RNF111: variants seen among roughly 807,000 people sequenced by gnomAD.
RNF111 encodes E3 ubiquitin-protein ligase Arkadia.
A neutral mutation model predicts 95.1 loss-of-function variants in RNF111; 17 were observed. That is an observed-to-expected ratio of 0.18 (90% CI 0.12 to 0.27). The LOEUF (loss-of-function observed/expected upper bound fraction) is 0.27, where lower values mean the gene tolerates loss of function less well. Among genes scored for constraint, RNF111 ranks in the 10% least tolerant of loss-of-function variants. The pLI is 1.00. For synonymous variants in RNF111, 440 were observed against 414.8 expected (o/e 1.06, Z -0.74); for missense variants, 1,189 against 1,210.4 (o/e 0.98, Z 0.26).
chr15:59,067,422 C>G (rs1423445625), intron 6 of RNF111, among the ~76,000 whole-genome samples: 2 of 151,952 alleles, frequency 1.3e-5, no homozygotes, highest in Non-Finnish European at 2.9e-5. Context: ...TAACTACTTG[C>G]GTTAAAACCA....
At chr15:59,019,683 G>A (rs952239880) in intron 1 of RNF111, among the ~76,000 whole-genome samples, 1 of 152,152 alleles carries the variant, frequency 6.6e-6, no homozygotes, top group Admixed American at 6.5e-5. Context: ...TTTAAGCCAG[G>A]CGTGGTGGCT....
Position 59,058,467 on chromosome 15 carries a change from C to A in RNF111, c.1283C>A (p.Ala428Asp), listed in dbSNP as rs2042291936. Reference protein sequence around the residue: ...TSEQASDTASAVTSSQPSTVS... With the variant: ...TSEQASDTASDVTSSQPSTVS... ...GAGCAGGCCTCTGATACTGCTTCAG[C>A]TGTCACCAGTAGCCAACCTTCCACA... Residue 428 changes from alanine (A) to aspartate (D), a missense_variant, in exon 5 of 14, where the codon GCT becomes GAT. Physicochemically the swap from Ala to Asp is moderately radical, Grantham distance 126. Transcript: ENST00000348370. 1 of 1,614,112 alleles carries A rather than the reference C, an allele frequency of 6.2e-7. No individual in the cohort carries two copies. The highest frequency in any genetic ancestry group is 1.3e-5 in the African/African-American group (1 of 75,046).
chr15:59,053,547 C>G (rs1279978315), intron 3 of RNF111, among the ~76,000 whole-genome samples: 1 of 152,206 alleles, frequency 6.6e-6, no homozygotes, highest in African/African-American at 2.4e-5. Flanking sequence ...CATCGAAGTG[C>G]TACTTCTAAA....
At chr15:59,073,102 G>A (rs766445832) in intron 6 of RNF111, among the ~76,000 whole-genome samples, 16 of 152,134 alleles carry the variant, frequency 1.1e-4, no homozygotes, top group Non-Finnish European at 2.2e-4. Context: ...GAGCTGGGTA[G>A]GTGGAGGCTG....
chr15:59,095,925 A>G lies in RNF111; in HGVS notation c.*1025A>G, dbSNP rs2079169959. On this transcript the variant is annotated 3_prime_UTR_variant, in exon 14 of 14. Coordinates refer to ENST00000348370, the MANE Select transcript of RNF111 (RefSeq NM_017610.8). ...CCAGGATCACTTTTAAGGGATTTTT[A>G]TTAGTTTAAAGGTAAATAAAGTCAG... 2.5e-6 allele frequency: 1 copy of G among 397,888 alleles called. No individual in the cohort carries two copies. The highest frequency in any genetic ancestry group is 1.3e-4 in the South Asian group (1 of 7,718). 24.6% of individuals were successfully genotyped at this position (397,888 alleles called of 1,614,324 possible). A position where few individuals can be genotyped will look rare whatever the true frequency, so the allele number is the denominator to read the frequency against.
At chr15:59,063,115 G>T (rs2042511052) in intron 5 of RNF111, among the ~76,000 whole-genome samples, 1 of 152,216 alleles carries the variant, frequency 6.6e-6, no homozygotes, top group Admixed American at 6.5e-5. Context: ...CAAAGAGCAA[G>T]TGTTTCTCTT....
chr15:59,058,268 T>G, intron 4 of RNF111, 88 bp from the exon 5 acceptor site: 1 of 1,051,132 alleles, frequency 9.5e-7, no homozygotes, highest in East Asian at 2.5e-5. Flanking sequence ...TTTTTATTTA[T>G]TAATTATAAA....
At chr15:59,038,510 T>G (rs2041293528) in intron 2 of RNF111, among the ~76,000 whole-genome samples, 1 of 152,180 alleles carries the variant, frequency 6.6e-6, no homozygotes, top group Non-Finnish European at 1.5e-5. Flanking sequence ...GGTTTTATGA[T>G]TTTATTTGGG....
At chr15:59,041,483 G>A (rs1247576604) in intron 2 of RNF111, among the ~76,000 whole-genome samples, 1 of 152,080 alleles carries the variant, frequency 6.6e-6, no homozygotes, top group East Asian at 1.9e-4. Context: ...AACCCAGGAG[G>A]CGGAGGTTGC....
At chr15:59,050,272 A>T (rs538900458) in intron 2 of RNF111, 52 of 152,238 alleles carry the variant, frequency 3.4e-4, no homozygotes, top group African/African-American at 1.2e-3. Flanking sequence ...TGTCTACAAC[A>T]TCGCTTTTTC....
chr15:59,004,150 G>A, intron 1 of RNF111: 1 of 1,209,038 alleles, frequency 8.3e-7, no homozygotes, highest in Non-Finnish European at 1.1e-6. Flanking sequence ...CTCATAGATG[G>A]CAGTTCTGGA....
intron 1 of RNF111, among the ~76,000 whole-genome samples, chr15:59,010,529 G>T (rs1427391425): frequency 1.3e-5 from 2 of 152,032 alleles, no homozygotes; most frequent in African/African-American, 4.8e-5. Context: ...AGCCTCCCAA[G>T]TAGCTGGGAT....
intron 5 of RNF111, among the ~76,000 whole-genome samples, chr15:59,061,472 C>T (rs976625100): frequency 1.3e-5 from 2 of 152,152 alleles, no homozygotes; most frequent in Non-Finnish European, 2.9e-5. Flanking sequence ...CTCTAAGTGC[C>T]TATTTCAAAA....
rs866176895 is a variant in RNF111, at chr15:59,085,490, A to T, written c.2424-169A>T. On this transcript the variant is annotated intron_variant, in intron 9 of 13. Transcript: ENST00000348370. ...TTAAGTTTTTAGAGCTTTCAGTTCT[A>T]AAATAAATTTGAAATTATTAGTTAA... 6 of 488,260 alleles carry T rather than the reference A, an allele frequency of 1.2e-5. No individual in the cohort carries two copies. In the East Asian group the frequency reaches 2.6e-4, roughly 21 times the overall value. 30.2% of individuals were successfully genotyped at this position (488,260 alleles called of 1,614,324 possible). A position where few individuals can be genotyped will look rare whatever the true frequency, so the allele number is the denominator to read the frequency against.
chr15:58,998,604 A>G (rs2039186723), intron 1 of RNF111, among the ~76,000 whole-genome samples: 1 of 152,214 alleles, frequency 6.6e-6, no homozygotes, highest in Non-Finnish European at 1.5e-5. Flanking sequence ...GAAAGAAGCA[A>G]ACTGTAGTTG....
intron 2 of RNF111, among the ~76,000 whole-genome samples, chr15:59,051,448 ACT>A (rs1297900487): frequency 1.7e-5 from 2 of 119,902 alleles, no homozygotes; most frequent in African/African-American, 7.0e-5. Context: ...ATTGAGCGAG[ACT>A]CTGTCTCAAA....
chr15:59,000,532 G>A (rs2039280044), intron 1 of RNF111, among the ~76,000 whole-genome samples: 1 of 151,800 alleles, frequency 6.6e-6, no homozygotes, highest in African/African-American at 2.4e-5. Flanking sequence ...GCCAACTTGG[G>A]GAAACCCTGT....
rs184272463 is a variant in RNF111 at position 59,096,038 on chromosome 15, A to G, written c.*1138A>G. 4.8e-4 allele frequency: 190 copies of G among 398,698 alleles called. No individual in the cohort carries two copies. The highest frequency in any genetic ancestry group is 3.4e-3 in the African/African-American group (168 of 48,750). The allele number at this position is 398,698 out of a possible 1,614,324, so 24.7% of individuals were successfully genotyped here. On this transcript the variant is annotated 3_prime_UTR_variant, in exon 14 of 14. Transcript: ENST00000348370. ...CTGTGAGGCACAAATTATACTGTCA[A>G]CCTACTGTTGCTATGGTTATATACT...
At chr15:59,060,151 G>T (rs1365390600) in intron 5 of RNF111, among the ~76,000 whole-genome samples, 1 of 152,170 alleles carries the variant, frequency 6.6e-6, no homozygotes, top group Non-Finnish European at 1.5e-5. Context: ...AGGACTACAG[G>T]TGTGAACCAC....
Sources: allele counts gnomAD v4.1 joint callset (sites outside exome capture counted in the v4.1 genomes callset), GRCh38; gene constraint gnomAD v4.1.1; transcripts MANE v1.5; gene names NCBI Gene and HGNC (gene_info 2026-07-23, HGNC 2026-07-21).